Variants in GRID1 observed in about 807,000 individuals in gnomAD.
GRID1 encodes glutamate ionotropic receptor delta type subunit 1.
A neutral mutation model predicts 98.0 loss-of-function variants in GRID1; 28 were observed. That is an observed-to-expected ratio of 0.29 (90% confidence interval 0.21 to 0.39). The LOEUF is 0.39. Ranked by LOEUF, GRID1 falls within the 10% of genes least tolerant of loss-of-function variation. The probability of loss-of-function intolerance (pLI) is 1.00; values close to 1 mark genes in which losing one functional copy is unlikely to be tolerated. For synonymous variants in GRID1, 553 were observed against 538.5 expected, an observed-to-expected ratio of 1.03 and a Z score of -0.37; for missense variants, 1,111 against 1,340.5, an observed-to-expected ratio of 0.83 and a Z score of 2.67.
chr10:85,841,945 T>G (rs979077935), intron 8 of GRID1, among the ~76,000 whole-genome samples: 1 of 152,114 alleles, frequency 6.6e-6, no homozygotes, highest in African/African-American at 2.4e-5. Flanking sequence ...AAGAAAGACA[T>G]ACTATTCAAC....
chr10:85,788,703 C>T (rs1451236859), intron 8 of GRID1, among the ~76,000 whole-genome samples: 1 of 152,252 alleles, frequency 6.6e-6, no homozygotes, highest in Non-Finnish European at 1.5e-5. Flanking sequence ...GACCTGTTTG[C>T]CTCCTCACTG....
intron 4 of GRID1, among the ~76,000 whole-genome samples, chr10:85,982,606 G>C (rs543234903): frequency 6.6e-6 from 1 of 152,172 alleles, no homozygotes; most frequent in Non-Finnish European, 1.5e-5. Flanking sequence ...TCTGTGATGT[G>C]GGATAAGTTG....
intron 4 of GRID1, among the ~76,000 whole-genome samples, chr10:86,091,004 T>C (rs541659198): frequency 2.6e-5 from 4 of 152,186 alleles, no homozygotes; most frequent in African/African-American, 4.8e-5. Flanking sequence ...GGTCCCCTAG[T>C]AGCCCATTCC....
chr10:86,360,053 G>T (rs1848581013), intron 2 of GRID1, among the ~76,000 whole-genome samples: 1 of 152,176 alleles, frequency 6.6e-6, no homozygotes, highest in Non-Finnish European at 1.5e-5. Context: ...CTTGTTAAAA[G>T]TCATCCTGAA....
Position 85,613,501 on chromosome 10 carries a change from C to G in GRID1, c.2507G>C (p.Cys836Ser), listed in dbSNP as rs1302020691. 5 of 1,614,056 alleles carry G rather than the reference C, an allele frequency of 3.1e-6. No homozygotes were observed. The highest frequency in any genetic ancestry group is 4.2e-6 in the Non-Finnish European group (5 of 1,180,056). Residue 836 changes from cysteine to serine, a missense_variant, in exon 15 of 16, where the codon TGC becomes TCC. Physicochemically the swap from Cys to Ser is moderately radical, Grantham distance 112. Transcript: ENST00000327946. ...LKLHSFAGVFCILAIGLLLAC... is the reference protein window; with the variant it reads ...LKLHSFAGVFSILAIGLLLAC... ...CAGGAGCAGGCCAATGGCCAGGATGCAGAAGACCCCGGCGAAGCTGTGCAG... is the reference window on the plus strand; with the variant it reads ...CAGGAGCAGGCCAATGGCCAGGATGGAGAAGACCCCGGCGAAGCTGTGCAG...
chr10:85,724,827 G>GA, intron 10 of GRID1, 151 bp from the exon 11 acceptor site: 1 of 602,148 alleles, frequency 1.7e-6, no homozygotes, highest in East Asian at 2.8e-5. Flanking sequence ...ATATTATAAG[G>GA]AAAATCCAAC....
At chr10:85,682,980 T>A (rs115754282) in intron 12 of GRID1, among the ~76,000 whole-genome samples, 1,535 of 152,364 alleles carry the variant, frequency 0.01, 30 homozygotes, top group African/African-American at 0.034. Context: ...GTGAAGAACA[T>A]CCTACATTTC....
intron 2 of GRID1, among the ~76,000 whole-genome samples, chr10:86,233,444 T>A (rs1031547984): frequency 6.6e-6 from 1 of 152,170 alleles, no homozygotes; most frequent in Non-Finnish European, 1.5e-5. Context: ...CCTTTACAGA[T>A]GGACACTCCC....
chr10:86,212,778 T>C (rs1484639882), intron 2 of GRID1, among the ~76,000 whole-genome samples: 1 of 152,234 alleles, frequency 6.6e-6, no homozygotes, highest in Non-Finnish European at 1.5e-5. Flanking sequence ...ATAAATACTT[T>C]AGAGCTGATA....
intron 2 of GRID1, among the ~76,000 whole-genome samples, chr10:86,316,903 C>A (rs1847907518): frequency 6.6e-6 from 1 of 152,160 alleles, no homozygotes; most frequent in African/African-American, 2.4e-5. Context: ...TGAGTGTGCA[C>A]AAGAATCACA....
At chr10:86,242,855 A>T (rs1846660018) in intron 2 of GRID1, among the ~76,000 whole-genome samples, 1 of 152,176 alleles carries the variant, frequency 6.6e-6, no homozygotes, top group Admixed American at 6.5e-5. Context: ...ACATGCCCAC[A>T]GTCACAGTAA....
intron 13 of GRID1, 61 bp from the exon 14 acceptor site, chr10:85,620,094 G>C: frequency 7.0e-7 from 1 of 1,427,514 alleles, no homozygotes; most frequent in African/African-American, 1.4e-5. Flanking sequence ...AGCTTTGATT[G>C]GTGAGCCATC....
intron 8 of GRID1, among the ~76,000 whole-genome samples, chr10:85,770,596 A>G (rs1842253784): frequency 6.6e-6 from 1 of 152,206 alleles, no homozygotes; most frequent in African/African-American, 2.4e-5. Context: ...AGACGAATGT[A>G]TAACTAGAAT....
intron 5 of GRID1, among the ~76,000 whole-genome samples, chr10:85,876,753 G>T (rs1310856608): frequency 2.0e-5 from 3 of 152,188 alleles, no homozygotes; most frequent in Non-Finnish European, 2.9e-5. Flanking sequence ...CCAGACAGTG[G>T]GTGCAGGACA....
At chr10:86,243,680 T>C (rs1343896644) in intron 2 of GRID1, among the ~76,000 whole-genome samples, 1 of 152,230 alleles carries the variant, frequency 6.6e-6, no homozygotes, top group Non-Finnish European at 1.5e-5. Context: ...GGATTGCTGC[T>C]GCCAGTATAC....
chr10:85,716,401 G>C (rs886381548), intron 12 of GRID1, among the ~76,000 whole-genome samples: 2 of 151,990 alleles, frequency 1.3e-5, no homozygotes, highest in Non-Finnish European at 2.9e-5. Context: ...TCACACACCG[G>C]GGACTGTTGT....
chr10:86,047,005 C>A (rs1843434025), intron 4 of GRID1, among the ~76,000 whole-genome samples: 1 of 152,208 alleles, frequency 6.6e-6, no homozygotes, highest in African/African-American at 2.4e-5. Flanking sequence ...AGTGGCCACA[C>A]CAGAGGTTGC....
At chr10:85,921,383 G>C (rs189848042) in intron 4 of GRID1, among the ~76,000 whole-genome samples, 3 of 152,304 alleles carry the variant, frequency 2.0e-5, no homozygotes, top group Non-Finnish European at 4.4e-5. Context: ...CTCCCTGCTC[G>C]AGAGCAACAG....
chr10:85,775,458 CT>C (rs1842321696), intron 8 of GRID1, among the ~76,000 whole-genome samples: 1 of 151,692 alleles, frequency 6.6e-6, no homozygotes, highest in Non-Finnish European at 1.5e-5. Context: ...CACATGTACC[CT>C]AAAATCTTAA....
Sources: allele counts gnomAD v4.1 joint callset (sites outside exome capture counted in the v4.1 genomes callset), GRCh38; gene constraint gnomAD v4.1.1; transcripts MANE v1.5; gene names NCBI Gene and HGNC (gene_info 2026-07-23, HGNC 2026-07-21).